The following PIK3R3 variants were observed in gnomAD, a reference collection of about 807,000 sequenced individuals.
The protein encoded by PIK3R3 is phosphoinositide-3-kinase regulatory subunit 3, also known as phosphatidylinositol 3-kinase regulatory subunit gamma.
PIK3R3 carries 64 observed loss-of-function variants against 62.9 expected under a neutral mutation model. The observed-to-expected ratio is 1.02, with a 90% confidence interval of 0.83 to 1.25. The LOEUF (loss-of-function observed/expected upper bound fraction) is 1.25, where lower values mean the gene tolerates loss of function less well. Ranked by LOEUF, PIK3R3 falls within the 50% of genes most tolerant of loss-of-function variation. The pLI is 0.00. For missense variants in PIK3R3, 614 were observed against 561.6 expected (o/e 1.09, Z -0.94); for synonymous variants, 165 against 189.0 (o/e 0.87, Z 1.04).
In PIK3R3 at chr1:46,043,850, G is replaced by A. The variant is rs1647044063; in HGVS notation, c.1209C>T (p.His403=). Residue 403 remains histidine, a synonymous_variant, in exon 10 of 10, where the codon CAC becomes CAT. Transcript: ENST00000262741. The stretch of plus-strand genomic sequence containing the variant: ...CCCGAGCAGTGCTGTAGATCACACA[G>A]TGCTTCACTTCCCCATCGGCCCTGC... ...CSVVADGEVK[H]CVIYSTARGY... is the part of the protein sequence containing the mutation. The A allele has an allele frequency of 1.9e-6, 3 of 1,613,788 alleles. No individual in the cohort carries two copies. Among genetic ancestry groups the A allele is most frequent in the Middle Eastern group, 1.7e-4 (1 of 6,060 alleles).
chr1:46,109,209 A>T (rs1653504125), intron 1 of PIK3R3, among the ~76,000 whole-genome samples: 1 of 151,504 alleles, frequency 6.6e-6, no homozygotes, highest in South Asian at 2.1e-4. Flanking sequence ...CTACTTCTCT[A>T]ACTACCTCTT....
upstream of PIK3R3, among the ~76,000 whole-genome samples, chr1:46,133,626 T>A (rs1170483939): frequency 6.6e-6 from 1 of 152,180 alleles, no homozygotes; most frequent in Admixed American, 6.5e-5. Context: ...CCCTGCAACC[T>A]TCCTGGCTGC....
chr1:46,109,515 C>T (rs542852195), intron 1 of PIK3R3, among the ~76,000 whole-genome samples: 12 of 152,048 alleles, frequency 7.9e-5, no homozygotes, highest in African/African-American at 2.4e-4. Flanking sequence ...ATGGAGTCTC[C>T]GCCTGTTGCC....
At chr1:46,163,564 C>T in the PIK3R3 span, among the ~76,000 whole-genome samples, 2 of 152,176 alleles carry the variant, frequency 1.3e-5, no homozygotes, top group African/African-American at 2.4e-5. Flanking sequence ...GCTAGAGAGA[C>T]AGAAAACAAG....
chr1:46,071,730 T>TATATATAGAGAGAGAGAGAGAGAGAGAG (rs1163343399), intron 3 of PIK3R3, among the ~76,000 whole-genome samples: 1 of 59,062 alleles, frequency 1.7e-5, no homozygotes, highest in African/African-American at 7.9e-5. Context: ...TATATATATA[T>TATATATAGAGAGAGAGAGAGAGAGAGAG]AGAGAGAGAG....
At chr1:46,128,160 C>G (rs960639430) in intron 1 of PIK3R3, among the ~76,000 whole-genome samples, 1 of 152,204 alleles carries the variant, frequency 6.6e-6, no homozygotes, top group Non-Finnish European at 1.5e-5. Context: ...AAAGGCTAGG[C>G]ATAGTGGCTC....
chr1:46,061,419 A>C lies in PIK3R3; in HGVS notation c.764+510T>G, dbSNP rs1447511168. Reference sequence around the variant, plus strand: ...AAGTCAGGCTGGTGTTCCTGCCTACAGTCTTGTTCTACTACAATTTATTCT... The same window carrying C: ...AAGTCAGGCTGGTGTTCCTGCCTACCGTCTTGTTCTACTACAATTTATTCT... On this transcript the variant is annotated intron_variant, in intron 6 of 9. Transcript: ENST00000262741. Among the ~76,000 whole-genome samples the C allele has an allele frequency of 3.3e-5, 5 of 152,214 alleles. No homozygotes were observed. The East Asian group carries it at 9.6e-4, about 29-fold the overall frequency.
chr1:46,071,757 A>AGAGAGAGAGAGAGC (rs1230737377), intron 3 of PIK3R3, among the ~76,000 whole-genome samples: 5 of 128,252 alleles, frequency 3.9e-5, no homozygotes, highest in African/African-American at 1.5e-4. Flanking sequence ...AGAGAGAGAG[A>AGAGAGAGAGAGAGC]GAGCGCGCGC....
chr1:46,043,663 C>T lies in PIK3R3; in HGVS notation c.*10G>A, dbSNP rs944475108. ...AATGCCAGAGAACCACCTCTCTTCC[C>T]ACTTCCTCTTTATCTGCAAAGCGAG... On this transcript the variant is annotated 3_prime_UTR_variant, in exon 10 of 10. Transcript: ENST00000262741. 4.3e-6 allele frequency: 7 copies of T among 1,613,038 alleles called. No individual in the cohort carries two copies. The highest frequency in any genetic ancestry group is 1.7e-4 in the Middle Eastern group (1 of 6,048).
intron 1 of PIK3R3, among the ~76,000 whole-genome samples, chr1:46,095,730 G>C (rs894066442): frequency 1.1e-4 from 17 of 152,108 alleles, no homozygotes; most frequent in African/African-American, 3.9e-4. Flanking sequence ...CATTTAGGTT[G>C]ATATATTAGA....
chr1:46,070,293 C>G lies in PIK3R3; in HGVS notation c.315-3202G>C, dbSNP rs758427543. ...CCAGTCTACAAACAGAGAAGCAGAC[C>G]CTGGACAAGGACATGAACAGTCATC... On this transcript the variant is annotated intron_variant, in intron 3 of 9. Coordinates refer to ENST00000262741, the MANE Select transcript of PIK3R3 (RefSeq NM_003629.4). Among the ~76,000 whole-genome samples, 35 of 152,038 alleles carry G rather than the reference C, an allele frequency of 2.3e-4. 1 individual carries two copies. The highest frequency in any genetic ancestry group is 9.2e-4 in the Admixed American group (14 of 15,268).
Position 46,066,039 on chromosome 1 carries a change from A to G in PIK3R3, c.621+15T>C, listed in dbSNP as rs756695186. The G allele has an allele frequency of 1.1e-5, 18 of 1,605,030 alleles. No individual in the cohort carries two copies. Among genetic ancestry groups the G allele is most frequent in the Non-Finnish European group, 1.5e-5 (18 of 1,172,598 alleles). ...ATTGCACACATATTAGTCAAAAACA[A>G]CATAATATACCAACCTGGGATGTTC... On this transcript the variant is annotated intron_variant, in intron 5 of 9. Transcript: ENST00000262741.
intron 5 of PIK3R3, 117 bp downstream of exon 5, chr1:46,065,937 G>C: frequency 2.4e-6 from 2 of 829,156 alleles, no homozygotes; most frequent in South Asian, 3.0e-5. Flanking sequence ...GTTTCAAAAA[G>C]GCTGTTTAAG....
chr1:46,132,122 C>G lies in PIK3R3; in HGVS notation c.-170G>C, dbSNP rs1266525554. 2.1e-6 allele frequency: 3 copies of G among 1,407,142 alleles called. No individual in the cohort carries two copies. The highest frequency in any genetic ancestry group is 2.8e-6 in the Non-Finnish European group (3 of 1,084,600). 87.2% of individuals were successfully genotyped at this position (1,407,142 alleles called of 1,614,324 possible). On this transcript the variant is annotated 5_prime_UTR_variant, in exon 1 of 10. Transcript: ENST00000262741. ...AAACTACCCGAACAGGGTCCTCCCC[C>G]TCTCTCCTACAGAACACAACAAAAT...
Position 46,043,701 on chromosome 1 carries a change from T to A in PIK3R3, c.1358A>T (p.His453Leu). Residue 453 changes from histidine to leucine, a missense_variant, in exon 10 of 10, where the codon CAT (histidine) becomes CTT (leucine). By Grantham distance (99) the His-to-Leu change is moderately conservative (BLOSUM62 -3). Transcript: ENST00000262741. The stretch of plus-strand genomic sequence containing the variant: ...TCTGCAAAGCGAGGGCATCTGTGCA[T>A]GAACAGGGTAGGCAAGCCTGACGTT... ...SLNVRLAYPV[H>L]AQMPSLCR The A allele has an allele frequency of 2.5e-6, 4 of 1,614,262 alleles. No homozygotes were observed. The highest frequency in any genetic ancestry group is 3.4e-6 in the Non-Finnish European group (4 of 1,180,038).
chr1:46,111,435 G>A (rs1323489128), intron 1 of PIK3R3, among the ~76,000 whole-genome samples: 1 of 151,918 alleles, frequency 6.6e-6, no homozygotes, highest in Admixed American at 6.6e-5. Flanking sequence ...TTAGAAAAGG[G>A]CATGTTTTAG....
the PIK3R3 span, among the ~76,000 whole-genome samples, chr1:46,148,161 A>G: frequency 5.9e-5 from 9 of 152,224 alleles, no homozygotes; most frequent in Admixed American, 5.9e-4. Context: ...ACTGAGATCA[A>G]GCAAATTTAC....
upstream of PIK3R3, among the ~76,000 whole-genome samples, chr1:46,137,292 T>C (rs1450885326): frequency 2.6e-5 from 4 of 152,148 alleles, no homozygotes; most frequent in African/African-American, 4.8e-5. Flanking sequence ...CCAGAATTCA[T>C]AGAGGAGGGA....
intron 6 of PIK3R3, among the ~76,000 whole-genome samples, chr1:46,058,078 C>A (rs1321924720): frequency 1.3e-5 from 2 of 152,190 alleles, no homozygotes; most frequent in Non-Finnish European, 2.9e-5. Context: ...TGGTGCCCTG[C>A]GTCCTAGCCA....
Sources: gnomAD v4.1 joint callset for allele counts (sites outside exome capture counted in the v4.1 genomes callset) on GRCh38, gnomAD v4.1.1 for gene constraint, MANE v1.5 for transcripts, NCBI Gene and HGNC (gene_info 2026-07-23, HGNC 2026-07-21) for gene names.